Variants in CCDC127 observed in about 807,000 individuals in gnomAD.
CCDC127 encodes the protein coiled-coil domain-containing protein 127.
A neutral mutation model predicts 4.1 loss-of-function variants in CCDC127; 2 were observed. The observed-to-expected ratio is 0.49, with a 90% CI of 0.20 to 1.53. The LOEUF is 1.53. CCDC127 is among the 40% of genes most tolerant of loss of function. The pLI, the probability that CCDC127 is intolerant of heterozygous loss-of-function variation, is 0.23. For missense variants in CCDC127, 271 were observed against 322.9 expected (o/e 0.84, Z 1.23); for synonymous variants, 98 against 120.4 (o/e 0.81, Z 1.22).
Position 218,143 on chromosome 5 carries a change from G to T in CCDC127, c.-61C>A. 8.1e-7 allele frequency: 1 copy of T among 1,237,996 alleles called. No homozygotes were observed. The highest frequency in any genetic ancestry group is 1.0e-6 in the Non-Finnish European group (1 of 989,232). The allele number at this position is 1,237,996 out of a possible 1,614,324, so 76.7% of individuals were successfully genotyped here. On this transcript the variant is annotated 5_prime_UTR_variant, in exon 1 of 3. Transcript: ENST00000296824. ...GCGTTCCCTTAACGCCACCGTCCGC[G>T]GGTCCGCTTTGCGCAGGCGCGGCGC... is the stretch of plus-strand genomic sequence containing the variant.
At chr5:216,352 A>G (rs1356137173) in intron 2 of CCDC127, 1 of 230,564 alleles carries the variant, frequency 4.3e-6, no homozygotes, top group Non-Finnish European at 8.7e-6. Flanking sequence ...TTTCCTTTAC[A>G]CCCGTTTTGT....
At position 205,000 on chromosome 5, in the gene CCDC127, T is replaced by C; in HGVS notation, c.*297A>G. The C allele has an allele frequency of 7.6e-6, 2 of 263,468 alleles. No individual in the cohort carries two copies. Among genetic ancestry groups the C allele is most frequent in the Non-Finnish European group, 1.4e-5 (2 of 140,910 alleles). 16.3% of individuals were successfully genotyped at this position (263,468 alleles called of 1,614,324 possible). A position where few individuals can be genotyped will look rare whatever the true frequency, so the allele number is the denominator to read the frequency against. ...TTGTATTTGACTTTTTAAAAAACCATTTTTACCCTGGAGCTAAAATACGAG... is the reference window on the plus strand; with the variant it reads ...TTGTATTTGACTTTTTAAAAAACCACTTTTACCCTGGAGCTAAAATACGAG... On this transcript the variant is annotated 3_prime_UTR_variant, in exon 3 of 3. Transcript: ENST00000296824.
intron 2 of CCDC127, chr5:214,086 G>A (rs143339340): frequency 3.3e-5 from 5 of 152,190 alleles, no homozygotes; most frequent in African/African-American, 9.7e-5. Flanking sequence ...AAGTCAACCC[G>A]AAAGGTTATA....
rs1031024232 is a variant in CCDC127, at chr5:204,770, A to G, written c.*527T>C. On this transcript the variant is annotated 3_prime_UTR_variant, in exon 3 of 3. Coordinates refer to ENST00000296824, the MANE Select transcript of CCDC127 (RefSeq NM_145265.3). ...CAACTGGATACAAGAAACACTTGGT[A>G]TTTCCCCTTTATGGAGTGAGAGAGA... is the stretch of plus-strand genomic sequence containing the variant. 2.6e-5 allele frequency: 4 copies of G among 152,404 alleles called. No individual in the cohort carries two copies. The highest frequency in any genetic ancestry group is 4.4e-5 in the Non-Finnish European group (3 of 68,164). 9.4% of individuals were successfully genotyped at this position (152,404 alleles called of 1,614,324 possible).
chr5:213,637 A>T (rs1180864391), intron 2 of CCDC127, among the ~76,000 whole-genome samples: 1 of 151,956 alleles, frequency 6.6e-6, no homozygotes, highest in East Asian at 1.9e-4. Context: ...TGCACGCTGC[A>T]GCCACGATGA....
rs545240683 is a variant in CCDC127, at chr5:197,700, T to G, written c.*7597A>C. On this transcript the variant is annotated 3_prime_UTR_variant, in exon 3 of 3. Coordinates refer to ENST00000296824, the MANE Select transcript of CCDC127 (RefSeq NM_145265.3). ...ATCTCAGCAAAGCAATTATTTAAAGTACAGGTCTTTTTCAAAACGGAGTCT... is the reference window on the plus strand; with the variant it reads ...ATCTCAGCAAAGCAATTATTTAAAGGACAGGTCTTTTTCAAAACGGAGTCT... The G allele has an allele frequency of 6.4e-6, 1 of 156,386 alleles. No individual in the cohort carries two copies. 9.7% of individuals were successfully genotyped at this position (156,386 alleles called of 1,614,324 possible).
chr5:205,253 G>A lies in CCDC127; in HGVS notation c.*44C>T. 1.9e-6 allele frequency: 3 copies of A among 1,547,820 alleles called. No homozygotes were observed. Among genetic ancestry groups the A allele is most frequent in the East Asian group, 4.5e-5 (2 of 44,276 alleles). ...CCGGAGACCCAGAAGGCGCATGACT[G>A]CCTGGCCTCGAGTCACTAAAAGCAG... On this transcript the variant is annotated 3_prime_UTR_variant, in exon 3 of 3. Coordinates refer to ENST00000296824, the MANE Select transcript of CCDC127 (RefSeq NM_145265.3).
intron 2 of CCDC127, among the ~76,000 whole-genome samples, chr5:209,149 T>C (rs56335854): frequency 3.8e-5 from 5 of 131,328 alleles, no homozygotes; most frequent in Non-Finnish European, 6.5e-5. Context: ...CCACAACACA[T>C]AGGACTCCCC....
In CCDC127 at chr5:201,461, G is replaced by C. The variant is rs889620571; in HGVS notation, c.*3836C>G. On this transcript the variant is annotated 3_prime_UTR_variant, in exon 3 of 3. Transcript: ENST00000296824. The stretch of plus-strand genomic sequence containing the variant: ...GATCATTTGGTGAAGTTTTTCCGTT[G>C]AAACACCCCATAATTGGTGCAAGGT... 6.6e-6 allele frequency: 1 copy of C among 152,156 alleles called. No homozygotes were observed. The highest frequency in any genetic ancestry group is 2.4e-5 in the African/African-American group (1 of 41,428). The allele number at this position is 152,156 out of a possible 1,614,324, so 9.4% of individuals were successfully genotyped here.
rs1734065307 is a variant in CCDC127, at chr5:200,985, C to CCA, written c.*4311_*4312insTG. 7 of 133,812 alleles carry CCA rather than the reference C, an allele frequency of 5.2e-5. No homozygotes were observed. Among genetic ancestry groups the CCA allele is most frequent in the African/African-American group, 2.4e-4 (7 of 29,424 alleles). The allele number at this position is 133,812 out of a possible 1,614,324, so 8.3% of individuals were successfully genotyped here. On this transcript the variant is annotated 3_prime_UTR_variant, in exon 3 of 3. Coordinates refer to ENST00000296824, the MANE Select transcript of CCDC127 (RefSeq NM_145265.3). ...AGCAGGCTGCCCCCATCACAGCCAG[C>CCA]GTCTACACAGCAGGCTGCCCCCATC...
chr5:206,017 C>A, intron 2 of CCDC127, 59 bp from the exon 3 acceptor site: 2 of 1,453,334 alleles, frequency 1.4e-6, no homozygotes, highest in Non-Finnish European at 1.9e-6. Context: ...GTTCTATAAT[C>A]CTCACTTAAA....
chr5:201,718 T>A lies in CCDC127; in HGVS notation c.*3579A>T, dbSNP rs1357585345. 1 of 152,212 alleles carries A rather than the reference T, an allele frequency of 6.6e-6. No individual in the cohort carries two copies. Among genetic ancestry groups the A allele is most frequent in the African/African-American group, 2.4e-5 (1 of 41,458 alleles). The allele number at this position is 152,212 out of a possible 1,614,324, so 9.4% of individuals were successfully genotyped here. ...TCAATTGTGATGCCTTCGAACTTCA[T>A]TCCAAAGTCAAGTCTGAAGCAAGCG... On this transcript the variant is annotated 3_prime_UTR_variant, in exon 3 of 3. Coordinates refer to ENST00000296824, the MANE Select transcript of CCDC127 (RefSeq NM_145265.3).
rs1469896389 is a variant in CCDC127 at position 202,915 on chromosome 5, T to C, written c.*2382A>G. On this transcript the variant is annotated 3_prime_UTR_variant, in exon 3 of 3. Transcript: ENST00000296824. ...GAAGTACAAACAACAACAGGAAGAG[T>C]TTTGTCCAGATTTACCGAAAAAATG... The C allele has an allele frequency of 6.6e-6, 1 of 150,388 alleles. No individual in the cohort carries two copies. The highest frequency in any genetic ancestry group is 2.0e-4 in the East Asian group (1 of 5,108). 9.3% of individuals were successfully genotyped at this position (150,388 alleles called of 1,614,324 possible). A position where few individuals can be genotyped will look rare whatever the true frequency, so the allele number is the denominator to read the frequency against.
In CCDC127 at chr5:203,818, C is replaced by T. The variant is rs1040335686; in HGVS notation, c.*1479G>A. 6.6e-6 allele frequency: 1 copy of T among 152,264 alleles called. No homozygotes were observed. Among genetic ancestry groups the T allele is most frequent in the Non-Finnish European group, 1.5e-5 (1 of 68,070 alleles). 9.4% of individuals were successfully genotyped at this position (152,264 alleles called of 1,614,324 possible). A position where few individuals can be genotyped will look rare whatever the true frequency, so the allele number is the denominator to read the frequency against. ...GTGACCTCAGGCAGGTTAGCTCTTC[C>T]ACATCTCCGTAAAGTGAGGTGCGTG... On this transcript the variant is annotated 3_prime_UTR_variant, in exon 3 of 3. Coordinates refer to ENST00000296824, the MANE Select transcript of CCDC127 (RefSeq NM_145265.3).
intron 2 of CCDC127, 27 bp downstream of exon 2, chr5:216,702 A>C: frequency 6.2e-7 from 1 of 1,613,728 alleles, no homozygotes; most frequent in Non-Finnish European, 8.5e-7. Context: ...CCTGGAAAAC[A>C]CGAATTTTAA....
At chr5:206,323 C>G (rs1734172163) in intron 2 of CCDC127, among the ~76,000 whole-genome samples, 1 of 147,410 alleles carries the variant, frequency 6.8e-6, no homozygotes, top group Non-Finnish European at 1.5e-5. Flanking sequence ...TTTAGCTTTG[C>G]CCGGTGGCGA....
Position 197,096 on chromosome 5 carries a change from C to T in CCDC127, c.*8201G>A, listed in dbSNP as rs536246517. On this transcript the variant is annotated 3_prime_UTR_variant, in exon 3 of 3. Transcript: ENST00000296824. ...AGGGAAGGTACTATGCCTGGACGTG[C>T]ACGTAGGCCAGATTTATGTTTCTCT... The T allele has an allele frequency of 1.9e-4, 29 of 152,128 alleles. No individual in the cohort carries two copies. The highest frequency in any genetic ancestry group is 1.0e-3 in the South Asian group (5 of 4,810). The allele number at this position is 152,128 out of a possible 1,614,324, so 9.4% of individuals were successfully genotyped here. A position where few individuals can be genotyped will look rare whatever the true frequency, so the allele number is the denominator to read the frequency against.
At chr5:211,392 C>A (rs79794206) in intron 2 of CCDC127, among the ~76,000 whole-genome samples, 1 of 11,152 alleles carries the variant, frequency 9.0e-5, no homozygotes, top group Non-Finnish European at 2.1e-4. Context: ...CTCGACATCG[C>A]ACACTGCAGC....
intron 2 of CCDC127, among the ~76,000 whole-genome samples, chr5:207,554 T>C (rs1007677561): frequency 1.3e-5 from 2 of 151,990 alleles, no homozygotes; most frequent in African/African-American, 4.8e-5. Context: ...TCACCCGAAA[T>C]TAAACGAGCA....
Sources: gnomAD v4.1 joint callset for allele counts (sites outside exome capture counted in the v4.1 genomes callset) on GRCh38, gnomAD v4.1.1 for gene constraint, MANE v1.5 for transcripts, NCBI Gene and HGNC (gene_info 2026-07-23, HGNC 2026-07-21) for gene names.